The following MSRA variants were observed in gnomAD, a reference collection of about 807,000 sequenced individuals.
The protein encoded by MSRA is methionine sulfoxide reductase A.
Under a neutral mutation model 31.3 loss-of-function variants are expected in MSRA, and 54 were observed. The ratio of observed to expected loss-of-function variants is 1.73; its 90% CI spans 1.39 to 2.17. The LOEUF is 2.17. MSRA is among the 30% of genes most tolerant of loss of function. The pLI is 0.00. For synonymous variants in MSRA, 169 were observed against 116.5 expected (o/e 1.45, Z -2.90); for missense variants, 507 against 300.9 (o/e 1.69, Z -5.07).
intron 1 of MSRA, among the ~76,000 whole-genome samples, chr8:10,113,292 CTTTTTTTT>C (rs10665004): frequency 3.5e-5 from 2 of 57,606 alleles, no homozygotes; most frequent in South Asian, 1.0e-3. Context: ...GACAGGTCTT[CTTTTTTTT>C]TTTTTTTTTT....
chr8:10,134,648 C>T (rs1177686819), intron 1 of MSRA, among the ~76,000 whole-genome samples: 20 of 152,314 alleles, frequency 1.3e-4, no homozygotes, highest in South Asian at 2.1e-4. Flanking sequence ...CATGACTGCA[C>T]GCCTCGTATC....
intron 3 of MSRA, among the ~76,000 whole-genome samples, chr8:10,273,798 A>C (rs191268270): frequency 1.9e-3 from 285 of 152,040 alleles, no homozygotes; most frequent in Middle Eastern, 0.014. Context: ...AACACAAACT[A>C]TTCCAATTAC....
chr8:10,128,371 CTCTTG>C (rs1037374754), intron 1 of MSRA, among the ~76,000 whole-genome samples: 1 of 151,492 alleles, frequency 6.6e-6, no homozygotes, highest in African/African-American at 2.4e-5. Flanking sequence ...AAAAGCAAAA[CTCTTG>C]TCTCAAAAAA....
At chr8:10,252,389 C>T (rs75649950) in intron 3 of MSRA, among the ~76,000 whole-genome samples, 5,343 of 152,172 alleles carry the variant, frequency 0.035, 135 homozygotes, top group East Asian at 0.086. Flanking sequence ...TCATTTGGTT[C>T]CTGTTTATGA....
chr8:10,365,231 T>C (rs1403128390), intron 5 of MSRA, among the ~76,000 whole-genome samples: 2 of 151,226 alleles, frequency 1.3e-5, no homozygotes, highest in Admixed American at 6.6e-5. Context: ...CTCAGAGTAC[T>C]GTTCTTAATT....
At chr8:10,363,297 G>T (rs1032773135) in intron 5 of MSRA, among the ~76,000 whole-genome samples, 1 of 152,140 alleles carries the variant, frequency 6.6e-6, no homozygotes, top group Non-Finnish European at 1.5e-5. Context: ...CATGTCAGGC[G>T]TGCTTTTCCG....
At chr8:10,406,680 G>A (rs543701979) in intron 5 of MSRA, among the ~76,000 whole-genome samples, 2 of 152,296 alleles carry the variant, frequency 1.3e-5, no homozygotes, top group South Asian at 2.1e-4. Context: ...AACACAAAAG[G>A]TGGGTTTTCA....
chr8:10,130,815 C>T lies in MSRA; in HGVS notation c.142+76157C>T, dbSNP rs551212606. Among the ~76,000 whole-genome samples, 260 of 152,192 alleles carry T rather than the reference C, an allele frequency of 1.7e-3. 9 individuals are homozygous for T. The South Asian group carries it at 0.05, about 29-fold the overall frequency. On this transcript the variant is annotated intron_variant, in intron 1 of 5. Transcript: ENST00000317173. ...AAGAAACTAGCATTCTTAGAGGAGT[C>T]CAGCAAATTGTCTTTGAGCCTTTGA...
At chr8:10,290,775 C>A (rs1446185883) in intron 3 of MSRA, among the ~76,000 whole-genome samples, 1 of 152,202 alleles carries the variant, frequency 6.6e-6, no homozygotes. Context: ...ATCATAGTTT[C>A]TCAGTGTGCA....
intron 1 of MSRA, among the ~76,000 whole-genome samples, chr8:10,160,633 A>G (rs1316986760): frequency 6.6e-6 from 1 of 152,170 alleles, no homozygotes; most frequent in Non-Finnish European, 1.5e-5. Flanking sequence ...CCCAGGTTCA[A>G]GCAATTCTGC....
At chr8:10,393,135 T>G (rs1038227422) in intron 5 of MSRA, among the ~76,000 whole-genome samples, 1 of 151,782 alleles carries the variant, frequency 6.6e-6, no homozygotes, top group African/African-American at 2.4e-5. Flanking sequence ...AACCACTTTG[T>G]CCACTGCTGC....
intron 5 of MSRA, among the ~76,000 whole-genome samples, chr8:10,386,311 C>G (rs1431396770): frequency 6.6e-6 from 1 of 152,124 alleles, no homozygotes; most frequent in Non-Finnish European, 1.5e-5. Context: ...ATATTAGTTT[C>G]ACACCAGATA....
chr8:10,136,674 A>T (rs1397578935), intron 1 of MSRA, among the ~76,000 whole-genome samples: 1 of 152,240 alleles, frequency 6.6e-6, no homozygotes, highest in Non-Finnish European at 1.5e-5. Flanking sequence ...GGCCTTCCAG[A>T]AGCTTCTGCA....
chr8:10,097,389 T>A (rs1799230325), intron 1 of MSRA, among the ~76,000 whole-genome samples: 1 of 152,172 alleles, frequency 6.6e-6, no homozygotes, highest in South Asian at 2.1e-4. Flanking sequence ...ATGAAAGACA[T>A]GCTGATAGGC....
At chr8:10,193,720 G>T (rs549906126) in intron 1 of MSRA, among the ~76,000 whole-genome samples, 2 of 152,092 alleles carry the variant, frequency 1.3e-5, no homozygotes, top group Non-Finnish European at 2.9e-5. Context: ...GGAAGATTTT[G>T]TTCATTATGT....
At chr8:10,270,813 G>A (rs1237431018) in intron 3 of MSRA, among the ~76,000 whole-genome samples, 2 of 152,238 alleles carry the variant, frequency 1.3e-5, no homozygotes, top group African/African-American at 4.8e-5. Context: ...TTCTTCAAAA[G>A]AAGAGAGTTA....
At chr8:10,199,201 C>A (rs1043188389) in intron 1 of MSRA, among the ~76,000 whole-genome samples, 21 of 152,148 alleles carry the variant, frequency 1.4e-4, no homozygotes, top group African/African-American at 5.1e-4. Flanking sequence ...CTCTTGCACT[C>A]TAATGGGGGA....
At chr8:10,197,133 A>T (rs747331367) in intron 1 of MSRA, among the ~76,000 whole-genome samples, 10 of 152,170 alleles carry the variant, frequency 6.6e-5, no homozygotes, top group Non-Finnish European at 1.3e-4. Context: ...TTTCATTGTC[A>T]TTTATATTCT....
chr8:10,282,669 A>C (rs73662815), intron 3 of MSRA, among the ~76,000 whole-genome samples: 2,687 of 152,264 alleles, frequency 0.018, 57 homozygotes, highest in African/African-American at 0.05. Flanking sequence ...TAAAGCAGGA[A>C]GAGTGGGGAT....
Sources: gnomAD v4.1 joint callset for allele counts (sites outside exome capture counted in the v4.1 genomes callset) on GRCh38, gnomAD v4.1.1 for gene constraint, MANE v1.5 for transcripts, NCBI Gene and HGNC (gene_info 2026-07-23, HGNC 2026-07-21) for gene names.